The following NRXN3 variants were observed in gnomAD, a reference collection of about 807,000 sequenced individuals.
The protein encoded by NRXN3 is neurexin III.
In NRXN3, 32 loss-of-function variants were observed where a neutral mutation model predicts 137.6. The ratio of observed to expected loss-of-function variants is 0.23; its 90% CI spans 0.18 to 0.31. The LOEUF (loss-of-function observed/expected upper bound fraction) is 0.31. Among genes scored for constraint, NRXN3 ranks in the 10% least tolerant of loss-of-function variants. The pLI, the probability that NRXN3 is intolerant of heterozygous loss-of-function variation, is 1.00. For synonymous variants in NRXN3, 798 were observed against 784.5 expected (o/e 1.02, Z -0.29); for missense variants, 1,574 against 2,062.5 (o/e 0.76, Z 4.59).
chr14:78,469,179 A>AT (rs1199712670), intron 4 of NRXN3, among the ~76,000 whole-genome samples: 5 of 152,052 alleles, frequency 3.3e-5, no homozygotes, highest in Non-Finnish European at 5.9e-5. Context: ...AAGGCCTGGT[A>AT]TTTTTTTTAA....
chr14:78,702,736 G>A (rs1390841452), intron 6 of NRXN3, among the ~76,000 whole-genome samples: 2 of 152,058 alleles, frequency 1.3e-5, no homozygotes, highest in African/African-American at 2.4e-5. Context: ...AAGCCCCTTT[G>A]CCCAGCCTGA....
chr14:78,176,492 A>G (rs1307839114), intron 1 of NRXN3, among the ~76,000 whole-genome samples: 2 of 151,892 alleles, frequency 1.3e-5, no homozygotes, highest in Admixed American at 1.3e-4. Context: ...TAATAAAATG[A>G]CAGATCGAGG....
intron 19 of NRXN3, among the ~76,000 whole-genome samples, chr14:79,761,931 A>G (rs555593789): frequency 4.0e-5 from 6 of 151,632 alleles, no homozygotes; most frequent in Non-Finnish European, 7.4e-5. Context: ...TGAGAGAAAC[A>G]TTAGCTTGTT....
intron 4 of NRXN3, among the ~76,000 whole-genome samples, chr14:78,538,356 C>T (rs867456302): frequency 6.6e-6 from 1 of 151,954 alleles, no homozygotes; most frequent in African/African-American, 2.4e-5. Flanking sequence ...TTCCTAGGTA[C>T]TTTATTCTCT....
chr14:79,379,288 G>T (rs2094397216), intron 15 of NRXN3, among the ~76,000 whole-genome samples: 1 of 152,112 alleles, frequency 6.6e-6, no homozygotes, highest in South Asian at 2.1e-4. Context: ...GTGTGTGACG[G>T]TGTTTTCTGT....
At chr14:78,495,068 GA>G (rs1386813639) in intron 4 of NRXN3, among the ~76,000 whole-genome samples, 1 of 149,298 alleles carries the variant, frequency 6.7e-6, no homozygotes, top group East Asian at 2.0e-4. Context: ...GTACCCTGGG[GA>G]AAAAATATTC....
chr14:79,634,222 AC>A (rs1478944659), intron 16 of NRXN3, among the ~76,000 whole-genome samples: 1 of 152,202 alleles, frequency 6.6e-6, no homozygotes, highest in African/African-American at 2.4e-5. Flanking sequence ...TTACTTCTGC[AC>A]ACTTCATGCT....
At chr14:79,227,066 C>T (rs1424178171) in intron 15 of NRXN3, among the ~76,000 whole-genome samples, 1 of 152,064 alleles carries the variant, frequency 6.6e-6, no homozygotes, top group African/African-American at 2.4e-5. Flanking sequence ...GATCCGCCAG[C>T]CTAGGCCTCC....
chr14:79,711,955 T>C (rs1055104241), intron 19 of NRXN3, among the ~76,000 whole-genome samples: 2 of 152,154 alleles, frequency 1.3e-5, no homozygotes, highest in Admixed American at 1.3e-4. Flanking sequence ...CTGAGGTCTC[T>C]ATTGCATGAA....
At chr14:78,197,212 C>G (rs1338408838) in intron 1 of NRXN3, among the ~76,000 whole-genome samples, 1 of 152,236 alleles carries the variant, frequency 6.6e-6, no homozygotes, top group Non-Finnish European at 1.5e-5. Flanking sequence ...CAACCAGACT[C>G]TTCGCTCAGT....
chr14:78,310,260 C>CTTTTT (rs201314931), intron 4 of NRXN3, among the ~76,000 whole-genome samples: 2 of 125,720 alleles, frequency 1.6e-5, no homozygotes, highest in African/African-American at 6.1e-5. Context: ...TTATGAATGG[C>CTTTTT]TTTTTTTTTT....
At chr14:79,826,554 T>A (rs1404550848) in intron 20 of NRXN3, among the ~76,000 whole-genome samples, 2 of 152,228 alleles carry the variant, frequency 1.3e-5, no homozygotes, top group Non-Finnish European at 2.9e-5. Flanking sequence ...ATTCCTTTTT[T>A]AAATAATTCA....
chr14:78,973,368 G>A (rs887869816), intron 14 of NRXN3, among the ~76,000 whole-genome samples: 6 of 152,146 alleles, frequency 3.9e-5, no homozygotes, highest in African/African-American at 2.4e-5. Context: ...GTCATTTCCT[G>A]GAGCAGGACA....
intron 15 of NRXN3, among the ~76,000 whole-genome samples, chr14:79,452,991 A>G (rs1323541411): frequency 6.6e-6 from 1 of 152,248 alleles, no homozygotes; most frequent in Non-Finnish European, 1.5e-5. Context: ...TGTTTAATGA[A>G]TAATGAAAAA....
intron 15 of NRXN3, among the ~76,000 whole-genome samples, chr14:79,107,280 T>C (rs1372754107): frequency 3.3e-5 from 5 of 152,122 alleles, no homozygotes; most frequent in African/African-American, 4.8e-5. Flanking sequence ...TAGTGTGGTC[T>C]TCTTTGAGGA....
At chr14:79,800,053 CAT>C (rs1348736982) in intron 19 of NRXN3, among the ~76,000 whole-genome samples, 1 of 152,082 alleles carries the variant, frequency 6.6e-6, no homozygotes, top group African/African-American at 2.4e-5. Flanking sequence ...GGTGGGTGGT[CAT>C]AGAGTTTTTA....
rs572604421 is a variant in NRXN3, at chr14:79,767,450, T to C, written c.4015-37662T>C. Among the ~76,000 whole-genome samples the C allele has an allele frequency of 2.6e-5, 4 of 152,312 alleles. No individual in the cohort carries two copies. In the East Asian group the frequency reaches 7.7e-4, roughly 29 times the overall value. ...CTGACCATGTCAGATTTTTCACTTATATGCTGTCATAACCTCATGCATTTC... is the reference window on the plus strand; with the variant it reads ...CTGACCATGTCAGATTTTTCACTTACATGCTGTCATAACCTCATGCATTTC... On this transcript the variant is annotated intron_variant, in intron 19 of 20. Transcript: ENST00000335750.
chr14:78,398,100 GCT>G (rs1227717147), intron 4 of NRXN3, among the ~76,000 whole-genome samples: 2 of 151,046 alleles, frequency 1.3e-5, no homozygotes, highest in African/African-American at 2.4e-5. Context: ...TGTAATCCTA[GCT>G]ACTCGGGAGG....
chr14:78,244,340 T>G (rs1298161555), intron 2 of NRXN3, among the ~76,000 whole-genome samples: 1 of 151,218 alleles, frequency 6.6e-6, no homozygotes, highest in Non-Finnish European at 1.5e-5. Flanking sequence ...TGAGGCAGGA[T>G]AATCGCTCTA....
Sources: gnomAD v4.1 joint callset for allele counts (sites outside exome capture counted in the v4.1 genomes callset) on GRCh38, gnomAD v4.1.1 for gene constraint, MANE v1.5 for transcripts, NCBI Gene and HGNC (gene_info 2026-07-23, HGNC 2026-07-21) for gene names.